The following ANXA8 variants were observed in gnomAD, a reference collection of about 807,000 sequenced individuals.
The protein encoded by ANXA8 is annexin A8.
ANXA8 carries 9 observed loss-of-function variants against 26.8 expected under a neutral mutation model. The observed-to-expected ratio is 0.34, with a 90% CI of 0.20 to 0.59. The LOEUF is 0.59. ANXA8 is among the 20% of genes least tolerant of loss of function. The probability of loss-of-function intolerance (pLI) is 0.84; values close to 1 mark genes in which losing one functional copy is unlikely to be tolerated. For missense variants in ANXA8, 83 were observed against 238.5 expected (o/e 0.35, Z 4.29); for synonymous variants, 39 against 94.8 (o/e 0.41, Z 3.42).
chr10:47,750,867 C>T, the ANXA8 span: 3 of 151,812 alleles, frequency 2.0e-5, no homozygotes, highest in Admixed American at 2.0e-4. Context: ...AAAGTGTACA[C>T]ACCCTGCTGG....
At chr10:47,636,462 T>C in the ANXA8 span, among the ~76,000 whole-genome samples, 1 of 145,460 alleles carries the variant, frequency 6.9e-6, no homozygotes, top group Non-Finnish European at 1.5e-5. Flanking sequence ...GAAACTTCTG[T>C]TGTTTCCTAA....
At chr10:47,694,207 T>TA in the ANXA8 span, among the ~76,000 whole-genome samples, 6 of 151,764 alleles carry the variant, frequency 4.0e-5, no homozygotes, top group East Asian at 9.7e-4. Context: ...GAACTTTTTT[T>TA]AAAAAATCAG....
the ANXA8 span, chr10:47,496,152 G>T: frequency 6.6e-6 from 1 of 151,696 alleles, no homozygotes; most frequent in Non-Finnish European, 1.5e-5. Flanking sequence ...GCAGGCTCCT[G>T]AGGAAGGGAG....
At chr10:47,474,283 C>G in intron 8 of ANXA8, 22 bp downstream of exon 8, 4 of 1,577,866 alleles carry the variant, frequency 2.5e-6, no homozygotes, top group Middle Eastern at 4.6e-4. Flanking sequence ...GGCCCCGGCC[C>G]CAGCCCCTCC....
chr10:47,577,960 C>T, the ANXA8 span, among the ~76,000 whole-genome samples: 1 of 34,498 alleles, frequency 2.9e-5, no homozygotes, highest in Admixed American at 3.0e-4. Context: ...GAGGTCACAC[C>T]CGATTGCACT....
At chr10:47,563,740 A>T in the ANXA8 span, 2 of 838,312 alleles carry the variant, frequency 2.4e-6, no homozygotes, top group East Asian at 4.8e-5. Flanking sequence ...TATGTTTACA[A>T]ACATGTTACT....
chr10:47,507,096 CT>C, the ANXA8 span, among the ~76,000 whole-genome samples: 10 of 138,326 alleles, frequency 7.2e-5, 3 homozygotes, highest in East Asian at 2.4e-3. Flanking sequence ...TGAAAAACTT[CT>C]GTTAACAATA....
At chr10:47,948,667 G>A in the ANXA8 span, among the ~76,000 whole-genome samples, 1 of 150,228 alleles carries the variant, frequency 6.7e-6, no homozygotes, top group Non-Finnish European at 1.5e-5. Context: ...AGCTGAGAAG[G>A]AAAGGAAAGA....
chr10:47,901,872 T>A, the ANXA8 span, among the ~76,000 whole-genome samples: 2 of 151,390 alleles, frequency 1.3e-5, no homozygotes, highest in East Asian at 3.9e-4. Flanking sequence ...ATTTGTTGGT[T>A]TTTTCTTATT....
the ANXA8 span, among the ~76,000 whole-genome samples, chr10:47,687,250 G>A: frequency 6.6e-6 from 1 of 151,224 alleles, no homozygotes; most frequent in Non-Finnish European, 1.5e-5. Flanking sequence ...ATATATCTAA[G>A]TATTCCCACC....
chr10:47,592,502 C>A, the ANXA8 span, among the ~76,000 whole-genome samples: 31 of 149,544 alleles, frequency 2.1e-4, no homozygotes, highest in Admixed American at 1.7e-3. Flanking sequence ...TGCCTGTCAA[C>A]CCCTTCCCAG....
At chr10:47,475,079 C>A in intron 6 of ANXA8, 75 bp from the exon 7 acceptor site, 1 of 1,519,288 alleles carries the variant, frequency 6.6e-7, no homozygotes, top group Non-Finnish European at 8.9e-7. Context: ...GGATCCTGGG[C>A]TTGGAGGGCA....
At chr10:47,496,704 C>T in the ANXA8 span, among the ~76,000 whole-genome samples, 6 of 146,916 alleles carry the variant, frequency 4.1e-5, no homozygotes, top group Non-Finnish European at 7.4e-5. Context: ...CTTTCATAAC[C>T]GTGACATCTT....
chr10:47,980,998 A>G, the ANXA8 span, among the ~76,000 whole-genome samples: 1 of 151,428 alleles, frequency 6.6e-6, no homozygotes, highest in Admixed American at 6.6e-5. Context: ...AAAACAAAAG[A>G]CATTCTAAGA....
chr10:47,737,063 A>G, the ANXA8 span, among the ~76,000 whole-genome samples: 1 of 148,724 alleles, frequency 6.7e-6, no homozygotes, highest in Non-Finnish European at 1.5e-5. Flanking sequence ...TTTATGTGGG[A>G]GAAGCCTTTT....
the ANXA8 span, chr10:47,691,216 A>C: frequency 6.7e-7 from 1 of 1,481,858 alleles, no homozygotes; most frequent in Non-Finnish European, 9.3e-7. Flanking sequence ...TTGGAGATAT[A>C]ATTTTACTCA....
the ANXA8 span, chr10:47,502,246 A>G: frequency 6.3e-7 from 1 of 1,592,342 alleles, no homozygotes; most frequent in Non-Finnish European, 8.5e-7. Flanking sequence ...GGCCAGATGG[A>G]GTGCCGTGCA....
At chr10:47,559,142 CTTTTTTTTTT>C in the ANXA8 span, among the ~76,000 whole-genome samples, 1 of 73,304 alleles carries the variant, frequency 1.4e-5, no homozygotes, top group African/African-American at 5.9e-5. Context: ...TGGAGTCTTA[CTTTTTTTTTT>C]TTTTTTTTTT....
the ANXA8 span, among the ~76,000 whole-genome samples, chr10:47,946,108 C>G: frequency 1.3e-5 from 2 of 149,102 alleles, no homozygotes; most frequent in Non-Finnish European, 3.0e-5. Context: ...TGCCTACACT[C>G]TGCTCTGCCT....
Sources: gnomAD v4.1 joint callset for allele counts (sites outside exome capture counted in the v4.1 genomes callset) on GRCh38, gnomAD v4.1.1 for gene constraint, MANE v1.5 for transcripts, NCBI Gene and HGNC (gene_info 2026-07-23, HGNC 2026-07-21) for gene names.